ST8SIA1: variants seen among roughly 807,000 people sequenced by gnomAD.
ST8SIA1 encodes the protein ST8 alpha-N-acetyl-neuraminide alpha-2,8-sialyltransferase 1.
Under a neutral mutation model 35.9 loss-of-function variants are expected in ST8SIA1, and 16 were observed. The observed-to-expected ratio is 0.45, with a 90% CI of 0.30 to 0.68. The LOEUF (loss-of-function observed/expected upper bound fraction) is 0.68. Ranked by LOEUF, ST8SIA1 falls within the 30% of genes least tolerant of loss-of-function variation. The probability of loss-of-function intolerance (pLI) is 0.09; values close to 1 mark genes in which losing one functional copy is unlikely to be tolerated. For missense variants in ST8SIA1, 383 were observed against 453.6 expected (o/e 0.84, Z 1.41); for synonymous variants, 170 against 169.6 (o/e 1.00, Z -0.02).
chr12:22,251,240 G>A (rs994879258), intron 3 of ST8SIA1, among the ~76,000 whole-genome samples: 7 of 152,186 alleles, frequency 4.6e-5, no homozygotes, highest in African/African-American at 9.7e-5. Flanking sequence ...TATTGCTGGA[G>A]AGTACTGTCA....
chr12:22,307,783 T>C (rs920908435), intron 1 of ST8SIA1, among the ~76,000 whole-genome samples: 1 of 152,226 alleles, frequency 6.6e-6, no homozygotes, highest in East Asian at 1.9e-4. Context: ...TACAAGTTTA[T>C]GCCTATTTAC....
intron 1 of ST8SIA1, among the ~76,000 whole-genome samples, chr12:22,331,213 A>G (rs976848854): frequency 5.9e-5 from 9 of 152,240 alleles, no homozygotes; most frequent in Non-Finnish European, 1.2e-4. Flanking sequence ...TTCTCTTCAC[A>G]GAATTTAACC....
At chr12:22,324,855 CAATA>C (rs1181357195) in intron 1 of ST8SIA1, 5 of 151,596 alleles carry the variant, frequency 3.3e-5, no homozygotes, top group Admixed American at 1.3e-4. Context: ...AATACTTGGA[CAATA>C]AATAATTATT....
intron 3 of ST8SIA1, among the ~76,000 whole-genome samples, chr12:22,250,263 C>A (rs960157567): frequency 1.3e-5 from 2 of 152,178 alleles, no homozygotes; most frequent in African/African-American, 4.8e-5. Context: ...TCAGTTTCTC[C>A]ATTATACAAA....
intron 1 of ST8SIA1, among the ~76,000 whole-genome samples, chr12:22,288,267 T>C (rs998808056): frequency 6.6e-6 from 1 of 152,228 alleles, no homozygotes; most frequent in Non-Finnish European, 1.5e-5. Context: ...CAGAAACGCT[T>C]GCTCAGACAT....
intron 4 of ST8SIA1, among the ~76,000 whole-genome samples, chr12:22,242,093 C>T (rs1163883748): frequency 6.6e-6 from 1 of 151,988 alleles, no homozygotes; most frequent in African/African-American, 2.4e-5. Context: ...AGCCACCAAA[C>T]AAAGAAACAT....
intron 2 of ST8SIA1, among the ~76,000 whole-genome samples, chr12:22,282,009 CAAAAT>C (rs1866043597): frequency 4.0e-5 from 6 of 151,634 alleles, no homozygotes; most frequent in Admixed American, 3.9e-4. Flanking sequence ...GACCCTGTCT[CAAAAT>C]AAAATAAAAT....
At chr12:22,277,871 A>T (rs1413665876) in intron 2 of ST8SIA1, among the ~76,000 whole-genome samples, 6 of 152,188 alleles carry the variant, frequency 3.9e-5, no homozygotes, top group African/African-American at 1.4e-4. Context: ...ATTACCTGAG[A>T]TCAGGAATAG....
At chr12:22,271,875 C>T (rs986383406) in intron 2 of ST8SIA1, among the ~76,000 whole-genome samples, 12 of 152,138 alleles carry the variant, frequency 7.9e-5, no homozygotes, top group African/African-American at 2.7e-4. Flanking sequence ...TATGACATAA[C>T]CTAAAACATG....
chr12:22,231,213 A>G (rs955220782), intron 4 of ST8SIA1, among the ~76,000 whole-genome samples: 2 of 150,720 alleles, frequency 1.3e-5, no homozygotes, highest in Non-Finnish European at 3.0e-5. Context: ...TGAATTTCCA[A>G]ATGAATTAAA....
Position 22,310,286 on chromosome 12 carries a change from G to A in ST8SIA1, c.237-22993C>T, listed in dbSNP as rs2287167. Among the ~76,000 whole-genome samples, 73 of 152,264 alleles carry A rather than the reference G, an allele frequency of 4.8e-4. No individual in the cohort carries two copies. The East Asian group carries it at 0.012, about 25-fold the overall frequency. ...AAGAATAAAACACTAGGAGAAGGAAGGCAAGAGAGTTTCAAAAAGAAGATC... is the reference window on the plus strand; with the variant it reads ...AAGAATAAAACACTAGGAGAAGGAAAGCAAGAGAGTTTCAAAAAGAAGATC... On this transcript the variant is annotated intron_variant, in intron 1 of 4. Coordinates refer to ENST00000396037, the MANE Select transcript of ST8SIA1 (RefSeq NM_003034.4).
intron 3 of ST8SIA1, 136 bp downstream of exon 3, chr12:22,255,144 G>C (rs1865715378): frequency 1.4e-6 from 1 of 704,208 alleles, no homozygotes; most frequent in East Asian, 2.5e-5. Flanking sequence ...GCTTGTCTAT[G>C]AGCTGGAAGT....
At chr12:22,246,711 G>C (rs1865608219) in intron 4 of ST8SIA1, among the ~76,000 whole-genome samples, 1 of 152,044 alleles carries the variant, frequency 6.6e-6, no homozygotes, top group African/African-American at 2.4e-5. Context: ...TGGAATAAGA[G>C]AGGCCTGGTG....
intron 2 of ST8SIA1, among the ~76,000 whole-genome samples, chr12:22,285,882 A>AAAACAAAAAAAAC (rs1385983441): frequency 2.0e-5 from 3 of 150,762 alleles, no homozygotes; most frequent in Admixed American, 6.6e-5. Context: ...AAAAACAAAA[A>AAAACAAAAAAAAC]AAAAAAAAAA....
intron 1 of ST8SIA1, among the ~76,000 whole-genome samples, chr12:22,317,527 G>T (rs1413514237): frequency 2.0e-5 from 3 of 152,176 alleles, no homozygotes; most frequent in African/African-American, 7.2e-5. Context: ...GGTTGTTGGT[G>T]GCCTCAGTTC....
intron 1 of ST8SIA1, among the ~76,000 whole-genome samples, chr12:22,327,049 A>G (rs1866690817): frequency 6.6e-6 from 1 of 152,236 alleles, no homozygotes; most frequent in Non-Finnish European, 1.5e-5. Context: ...CCAAGTTACA[A>G]AAAACCCACT....
intron 1 of ST8SIA1, among the ~76,000 whole-genome samples, chr12:22,313,665 A>G (rs1031969103): frequency 6.6e-6 from 1 of 152,214 alleles, no homozygotes; most frequent in Non-Finnish European, 1.5e-5. Context: ...ATATTGATGA[A>G]TTTATGCATA....
rs866545692 is a variant in ST8SIA1, at chr12:22,201,871, G to A, written c.752C>T (p.Ala251Val). ...AATGCTACGCAGAAAGTTGGGGTTG[G>A]CAAACAGCACTGTTTGATTGGCACC... ...DVGANQTVLF[A>V]NPNFLRSIGK... The change falls in exon 5 of 5, where the codon GCC (alanine) becomes GTC (valine). Residue 251 changes from alanine to valine, a missense_variant. Physicochemically the swap from Ala to Val is moderately conservative, Grantham distance 64. Coordinates refer to ENST00000396037, the MANE Select transcript of ST8SIA1 (RefSeq NM_003034.4). 6.2e-7 allele frequency: 1 copy of A among 1,614,094 alleles called. No homozygotes were observed. The highest frequency in any genetic ancestry group is 1.6e-4 in the Middle Eastern group (1 of 6,062).
rs370094326 is a variant in ST8SIA1 at position 22,218,165 on chromosome 12, A to G, written c.585-16127T>C. ...ATGGCAAAACCCCATCTCTACAAAAAATACAAAAATTAGCCAGGTGTGGTG... is the reference window on the plus strand; with the variant it reads ...ATGGCAAAACCCCATCTCTACAAAAGATACAAAAATTAGCCAGGTGTGGTG... On this transcript the variant is annotated intron_variant, in intron 4 of 4. Coordinates refer to ENST00000396037, the MANE Select transcript of ST8SIA1 (RefSeq NM_003034.4). Among the ~76,000 whole-genome samples, 9 of 152,044 alleles carry G rather than the reference A, an allele frequency of 5.9e-5. No individual in the cohort carries two copies. The East Asian group carries it at 1.3e-3, about 23-fold the overall frequency.
Sources: allele counts gnomAD v4.1 joint callset (sites outside exome capture counted in the v4.1 genomes callset), GRCh38; gene constraint gnomAD v4.1.1; transcripts MANE v1.5; gene names NCBI Gene and HGNC (gene_info 2026-07-23, HGNC 2026-07-21).